CCDC112: variants seen among roughly 807,000 people sequenced by gnomAD.
CCDC112 encodes the protein coiled-coil domain-containing protein 112.
A neutral mutation model predicts 66.3 loss-of-function variants in CCDC112; 40 were observed. The ratio of observed to expected loss-of-function variants is 0.60; its 90% CI spans 0.47 to 0.79. CCDC112 has a LOEUF of 0.79. CCDC112 is among the 30% of genes least tolerant of loss of function. CCDC112 has a pLI of 0.00. For missense variants in CCDC112, 659 were observed against 603.8 expected, an observed-to-expected ratio of 1.09 and a Z score of -0.96; for synonymous variants, 214 against 197.2, an observed-to-expected ratio of 1.09 and a Z score of -0.71.
chr5:115,272,051 A>G (rs769514073), intron 6 of CCDC112, among the ~76,000 whole-genome samples: 1 of 151,690 alleles, frequency 6.6e-6, no homozygotes, highest in Non-Finnish European at 1.5e-5. Context: ...CAGCCTCCCA[A>G]AAAGCTGGGA....
At chr5:115,284,967 A>AT (rs1027492615) in intron 1 of CCDC112, 59 bp from the exon 2 acceptor site, 2 of 1,493,720 alleles carry the variant, frequency 1.3e-6, no homozygotes, top group Non-Finnish European at 1.8e-6. Context: ...TAAATGTGGA[A>AT]TTTTTTCAGA....
At chr5:115,277,661 AAAATATTAGGCCCAC>A (rs1749266031) in intron 3 of CCDC112, among the ~76,000 whole-genome samples, 4 of 152,194 alleles carry the variant, frequency 2.6e-5, no homozygotes, top group Admixed American at 6.5e-5. Context: ...AGCCTGGAGT[AAAATATTAGGCCCAC>A]AATAAAGCCT....
intron 9 of CCDC112, among the ~76,000 whole-genome samples, chr5:115,268,337 C>T (rs1044393741): frequency 3.9e-5 from 6 of 152,066 alleles, no homozygotes; most frequent in East Asian, 1.9e-4. Flanking sequence ...GGCACGATCT[C>T]GGCTCACCAT....
intron 3 of CCDC112, 120 bp from the exon 4 acceptor site, chr5:115,277,174 A>C: frequency 3.4e-6 from 2 of 593,514 alleles, no homozygotes; most frequent in Non-Finnish European, 6.0e-6. Context: ...ATAAAGAACA[A>C]AAGATATTTA....
chr5:115,267,539 T>C lies in CCDC112; in HGVS notation c.*337A>G, dbSNP rs1322581770. On this transcript the variant is annotated 3_prime_UTR_variant, in exon 10 of 10. Transcript: ENST00000379611. Reference sequence around the variant, plus strand: ...CAAAATTTTGGTTTAAAAAATGTCATTGTATGATTGTTCCAATTTACTTTG... The same window carrying C: ...CAAAATTTTGGTTTAAAAAATGTCACTGTATGATTGTTCCAATTTACTTTG... The C allele has an allele frequency of 2.1e-5, 4 of 186,994 alleles. No individual in the cohort carries two copies. The highest frequency in any genetic ancestry group is 2.0e-3 in the Middle Eastern group (1 of 504). 11.6% of individuals were successfully genotyped at this position (186,994 alleles called of 1,614,324 possible).
intron 6 of CCDC112, among the ~76,000 whole-genome samples, chr5:115,271,934 T>C (rs183798775): frequency 0.022 from 3,261 of 151,164 alleles, 137 homozygotes; most frequent in African/African-American, 0.075. Context: ...TTTTTTTTTT[T>C]TTTTTTTGAG....
At chr5:115,271,167 T>A in intron 7 of CCDC112, 46 bp downstream of exon 7, 2 of 1,513,488 alleles carry the variant, frequency 1.3e-6, no homozygotes, top group Non-Finnish European at 1.8e-6. Context: ...AAGTAATACC[T>A]CCATGTGTAG....
At position 115,271,331 on chromosome 5, in the gene CCDC112, G is replaced by A. The variant is rs752274160; in HGVS notation, c.1214C>T (p.Thr405Ile). The A allele has an allele frequency of 9.3e-6, 15 of 1,613,036 alleles. No individual in the cohort carries two copies. Among genetic ancestry groups the A allele is most frequent in the Non-Finnish European group, 1.2e-5 (14 of 1,179,840 alleles). The change falls in exon 7 of 10, where the codon ACC (threonine) becomes ATC (isoleucine). Residue 405 changes from threonine (T) to isoleucine (I), a missense_variant. Transcript: ENST00000379611. ...FKLKLLLESY[T>I]QQKKEQEEFL... The stretch of plus-strand genomic sequence containing the variant: ...TTCTTCCTGTTCTTTCTTCTGCTGG[G>A]TATAACTTTCTAGTAGTAATTTTAA...
chr5:115,288,154 T>C (rs1388696867), intron 1 of CCDC112, among the ~76,000 whole-genome samples: 1 of 152,134 alleles, frequency 6.6e-6, no homozygotes, highest in African/African-American at 2.4e-5. Flanking sequence ...CTAATTTTTG[T>C]ATTTTTAGTA....
chr5:115,269,185 A>C (rs1748898287), intron 8 of CCDC112, among the ~76,000 whole-genome samples, 185 bp from the exon 9 acceptor site: 1 of 152,236 alleles, frequency 6.6e-6, no homozygotes, highest in South Asian at 2.1e-4. Flanking sequence ...ACATCAATCT[A>C]TTCATAAACT....
intron 1 of CCDC112, among the ~76,000 whole-genome samples, chr5:115,288,811 C>A (rs541465587): frequency 1.1e-4 from 17 of 152,278 alleles, no homozygotes; most frequent in Non-Finnish European, 2.9e-5. Flanking sequence ...GATTTCACCT[C>A]TTAAAGCATT....
At chr5:115,269,629 A>G in intron 8 of CCDC112, 74 bp downstream of exon 8, 1 of 999,306 alleles carries the variant, frequency 1.0e-6, no homozygotes, top group Non-Finnish European at 1.5e-6. Context: ...TAAAGGAAAT[A>G]GATTTGATGT....
chr5:115,286,406 A>G (rs1402815486), intron 1 of CCDC112, among the ~76,000 whole-genome samples: 1 of 152,180 alleles, frequency 6.6e-6, no homozygotes, highest in African/African-American at 2.4e-5. Context: ...ATAATACTCC[A>G]TTATATGGGT....
chr5:115,280,142 T>C (rs149849046), intron 2 of CCDC112, among the ~76,000 whole-genome samples: 30 of 152,290 alleles, frequency 2.0e-4, no homozygotes, highest in Admixed American at 7.8e-4. Flanking sequence ...TACTATTAAT[T>C]TTGTAACCTT....
At chr5:115,285,732 C>A (rs1404758814) in intron 1 of CCDC112, among the ~76,000 whole-genome samples, 1 of 152,068 alleles carries the variant, frequency 6.6e-6, no homozygotes, top group South Asian at 2.1e-4. Context: ...TCTTTAAGAA[C>A]AATTTTCTGG....
intron 2 of CCDC112, among the ~76,000 whole-genome samples, chr5:115,284,287 G>C (rs1749583244): frequency 6.6e-6 from 1 of 152,086 alleles, no homozygotes; most frequent in Admixed American, 6.6e-5. Context: ...TATTAACCAT[G>C]TAACCTATGG....
At chr5:115,296,268 C>T in intron 1 of CCDC112, 159 bp downstream of exon 1, 1 of 1,304,640 alleles carries the variant, frequency 7.7e-7, no homozygotes, top group Non-Finnish European at 9.7e-7. Flanking sequence ...AGCTGTTAAA[C>T]GCACAAGCCA....
At chr5:115,293,322 A>C (rs1191258295) in intron 1 of CCDC112, among the ~76,000 whole-genome samples, 1 of 152,190 alleles carries the variant, frequency 6.6e-6, no homozygotes, top group Admixed American at 6.5e-5. Flanking sequence ...TAAATTTCAA[A>C]TGTTTCACCA....
chr5:115,296,051 C>T (rs1202911501), intron 1 of CCDC112: 1 of 1,003,728 alleles, frequency 1.0e-6, no homozygotes, highest in Admixed American at 6.0e-5. Context: ...GCACAGAGTC[C>T]CCCTCCAATC....
Sources: gnomAD v4.1 joint callset for allele counts (sites outside exome capture counted in the v4.1 genomes callset) on GRCh38, gnomAD v4.1.1 for gene constraint, MANE v1.5 for transcripts, NCBI Gene and HGNC (gene_info 2026-07-23, HGNC 2026-07-21) for gene names.